Variants in ABLIM3 observed in about 807,000 individuals in gnomAD.
The protein encoded by ABLIM3 is actin binding LIM protein family member 3.
A neutral mutation model predicts 109.5 loss-of-function variants in ABLIM3; 61 were observed. The observed-to-expected ratio is 0.56, with a 90% confidence interval of 0.45 to 0.69. ABLIM3 has a LOEUF of 0.69. ABLIM3 is among the 30% of genes least tolerant of loss of function. The probability of loss-of-function intolerance (pLI) is 0.00; values close to 1 mark genes in which losing one functional copy is unlikely to be tolerated. For synonymous variants in ABLIM3, 300 were observed against 324.8 expected (o/e 0.92, Z 0.82); for missense variants, 796 against 889.5 (o/e 0.89, Z 1.34).
chr5:149,153,950 T>C (rs1255521484), intron 2 of ABLIM3, among the ~76,000 whole-genome samples: 1 of 152,242 alleles, frequency 6.6e-6, no homozygotes, highest in Non-Finnish European at 1.5e-5. Flanking sequence ...TGCTACTCTC[T>C]AGTGCCTCTA....
intron 8 of ABLIM3, among the ~76,000 whole-genome samples, chr5:149,228,251 C>T (rs1251872104): frequency 1.3e-5 from 2 of 152,182 alleles, no homozygotes; most frequent in Non-Finnish European, 2.9e-5. Context: ...AAATGAATGC[C>T]TCTTCCTACA....
chr5:149,235,289 G>A (rs1762241509), intron 10 of ABLIM3, among the ~76,000 whole-genome samples: 1 of 152,208 alleles, frequency 6.6e-6, no homozygotes. Flanking sequence ...CAAGCATAAA[G>A]ATGGATTTTA....
intron 8 of ABLIM3, among the ~76,000 whole-genome samples, chr5:149,230,059 G>A (rs1761696789): frequency 1.3e-5 from 2 of 152,164 alleles, no homozygotes; most frequent in African/African-American, 2.4e-5. Context: ...GAAAGCTGGA[G>A]TTCACCATGC....
At position 149,198,448 on chromosome 5, in the gene ABLIM3, C is replaced by T. The variant is rs771453867; in HGVS notation, c.335+46C>T. The T allele has an allele frequency of 1.4e-5, 22 of 1,537,786 alleles. No homozygotes were observed. The highest frequency in any genetic ancestry group is 8.3e-5 in the Admixed American group (4 of 48,062). On this transcript the variant is annotated intron_variant, in intron 4 of 23. Transcript: ENST00000309868. This position sits in a 1 kb window ranked among gnomAD's most constrained non-coding sequence, Gnocchi z 4.2. ...GCCTGGGACCCTCTGCATAAGCCCC[C>T]GGGGCAGGGGAAGACCTGGCTTTTT...
At chr5:149,159,332 T>C (rs1286665710) in intron 2 of ABLIM3, among the ~76,000 whole-genome samples, 1 of 152,160 alleles carries the variant, frequency 6.6e-6, no homozygotes, top group African/African-American at 2.4e-5. Context: ...AAAACTAATC[T>C]ATGTGGACAG....
chr5:149,200,885 C>T (rs1053170272), intron 5 of ABLIM3, among the ~76,000 whole-genome samples: 8 of 152,128 alleles, frequency 5.3e-5, no homozygotes, highest in African/African-American at 1.9e-4. Context: ...GTTCCATAGA[C>T]CACTGCATCA....
At chr5:149,182,772 C>T (rs924149003) in intron 2 of ABLIM3, among the ~76,000 whole-genome samples, 13 of 152,182 alleles carry the variant, frequency 8.5e-5, no homozygotes, top group Admixed American at 8.5e-4. Flanking sequence ...TGACTTCAAC[C>T]CTTTCATAAT....
intron 2 of ABLIM3, 128 bp downstream of exon 2, chr5:149,142,236 T>C (rs11744532): frequency 0.75 from 1,007,133 of 1,335,410 alleles, 381,634 homozygotes; most frequent in East Asian, 0.89. Context: ...CCCCAGGCTC[T>C]TTTTTGGTGC....
At chr5:149,164,664 G>A (rs1309329461) in intron 2 of ABLIM3, among the ~76,000 whole-genome samples, 1 of 152,092 alleles carries the variant, frequency 6.6e-6, no homozygotes, top group Non-Finnish European at 1.5e-5. Context: ...ATCCGTTTGA[G>A]AACCACTGCT....
chr5:149,158,118 T>A (rs1754011323), intron 2 of ABLIM3, among the ~76,000 whole-genome samples: 1 of 152,226 alleles, frequency 6.6e-6, no homozygotes, highest in South Asian at 2.1e-4. Context: ...AACATTCTTA[T>A]AATTACAGGT....
At chr5:149,173,242 G>A (rs1050731348) in intron 2 of ABLIM3, among the ~76,000 whole-genome samples, 2 of 152,218 alleles carry the variant, frequency 1.3e-5, no homozygotes, top group African/African-American at 2.4e-5. Flanking sequence ...AGATGACTGC[G>A]GAGGCCATCA....
intron 2 of ABLIM3, among the ~76,000 whole-genome samples, chr5:149,160,476 A>G (rs936398719): frequency 3.4e-5 from 5 of 147,396 alleles, no homozygotes; most frequent in Non-Finnish European, 7.5e-5. Flanking sequence ...AAAAAAAAAA[A>G]GAAGGAAATT....
At chr5:149,244,030 A>C (rs914170211) in intron 15 of ABLIM3, 1 of 152,442 alleles carries the variant, frequency 6.6e-6, no homozygotes, top group East Asian at 1.9e-4. Context: ...CACAGAGCAC[A>C]GAGCTTGTCC....
intron 15 of ABLIM3, chr5:149,244,466 A>C (rs1346112967): frequency 5.8e-6 from 1 of 173,306 alleles, no homozygotes; most frequent in African/African-American, 2.4e-5. Flanking sequence ...ATAACAAGGA[A>C]GGCTTCTAAA....
rs73795951 is a variant in ABLIM3 at position 149,236,435 on chromosome 5, C to T, written c.889-1013C>T. Among the ~76,000 whole-genome samples the T allele has an allele frequency of 1.4e-3, 215 of 152,106 alleles. 1 individual carries two copies. Among genetic ancestry groups the T allele is most frequent in the African/African-American group, 4.7e-3 (196 of 41,502 alleles). ...ATCTAGCAGCCTCTGTTGTAATTTG[C>T]AGCACCTCAGGACCTTGCAAGACAG... On this transcript the variant is annotated intron_variant, in intron 10 of 23. Coordinates refer to ENST00000309868, the MANE Select transcript of ABLIM3 (RefSeq NM_014945.5).
chr5:149,196,843 A>G (rs1017034737), intron 3 of ABLIM3, among the ~76,000 whole-genome samples: 2 of 152,214 alleles, frequency 1.3e-5, no homozygotes, highest in African/African-American at 4.8e-5. Context: ...AGTAAATCTC[A>G]TATTTCTAAG....
intron 7 of ABLIM3, among the ~76,000 whole-genome samples, chr5:149,212,907 T>C (rs1047178464): frequency 6.6e-6 from 1 of 152,048 alleles, no homozygotes; most frequent in Non-Finnish European, 1.5e-5. Context: ...GGGTGATCAC[T>C]TGAGTCCAGG....
rs148287071 is a variant in ABLIM3, at chr5:149,224,157, C to T, written c.758-6492C>T. ...AAGTGTGTGACACAAGGCCTGGTAT[C>T]GACACTCTATAAATATTAGTTATAA... is the stretch of plus-strand genomic sequence containing the variant. On this transcript the variant is annotated intron_variant, in intron 8 of 23. Transcript: ENST00000309868. Among the ~76,000 whole-genome samples the T allele has an allele frequency of 3.0e-3, 460 of 152,064 alleles. 2 individuals carry two copies. Among genetic ancestry groups the T allele is most frequent in the African/African-American group, 0.01 (423 of 41,468 alleles).
chr5:149,239,045 G>A (rs1752525583), intron 11 of ABLIM3, among the ~76,000 whole-genome samples: 3 of 152,166 alleles, frequency 2.0e-5, no homozygotes, highest in Admixed American at 2.0e-4. Context: ...CTAAAAGGCG[G>A]GCATAATCTC....
Sources: gnomAD v4.1 joint callset for allele counts (sites outside exome capture counted in the v4.1 genomes callset) on GRCh38, gnomAD v4.1.1 for gene constraint, Gnocchi (gnomAD v3.1) non-coding constraint, MANE v1.5 for transcripts, NCBI Gene and HGNC (gene_info 2026-07-23, HGNC 2026-07-21) for gene names.